The following RPA2 variants were observed in gnomAD, a reference collection of about 807,000 sequenced individuals.
RPA2 encodes replication protein A2.
RPA2 carries 22 observed loss-of-function variants against 33.4 expected under a neutral mutation model. That is an observed-to-expected ratio of 0.66 (90% CI 0.47 to 0.94). The LOEUF is 0.94. Among genes scored for constraint, RPA2 ranks in the 40% least tolerant of loss-of-function variants. The pLI is 0.00. For synonymous variants in RPA2, 109 were observed against 114.9 expected (o/e 0.95, Z 0.33); for missense variants, 279 against 329.9 (o/e 0.85, Z 1.19).
intron 2 of RPA2, among the ~76,000 whole-genome samples, chr1:27,909,609 G>C (rs1056411043): frequency 6.6e-6 from 1 of 152,102 alleles, no homozygotes; most frequent in Non-Finnish European, 1.5e-5. Context: ...AGCTACTGGG[G>C]AGGCTGAGGC....
At position 27,913,943 on chromosome 1, in the gene RPA2, T is replaced by C. The variant is rs138850007; in HGVS notation, c.117+120A>G. 403 of 973,924 alleles carry C rather than the reference T, an allele frequency of 4.1e-4. No homozygotes were observed. In the African/African-American group the frequency reaches 4.3e-3, roughly 10 times the overall value. The allele number at this position is 973,924 out of a possible 1,614,324, so 60.3% of individuals were successfully genotyped here. A position where few individuals can be genotyped will look rare whatever the true frequency, so the allele number is the denominator to read the frequency against. On this transcript the variant is annotated intron_variant, in intron 2 of 8. Coordinates refer to ENST00000373912, the MANE Select transcript of RPA2 (RefSeq NM_002946.5). ...TAATTATAAGAGATGCAGATAATAA[T>C]AGATCATTATCGCATCAGTTCACGT...
At chr1:27,910,284 T>C (rs1027225385) in intron 2 of RPA2, among the ~76,000 whole-genome samples, 1 of 152,194 alleles carries the variant, frequency 6.6e-6, no homozygotes, top group African/African-American at 2.4e-5. Context: ...ATATATGAAG[T>C]GCTAATACCA....
intron 5 of RPA2, 141 bp downstream of exon 5, chr1:27,897,492 T>A (rs1429356854): frequency 5.9e-6 from 3 of 511,468 alleles, no homozygotes; most frequent in Non-Finnish European, 1.0e-5. Flanking sequence ...AAAGAAAAGT[T>A]ATTTCCTTTT....
chr1:27,911,320 G>A (rs1384298473), intron 2 of RPA2, among the ~76,000 whole-genome samples: 1 of 152,026 alleles, frequency 6.6e-6, no homozygotes. Flanking sequence ...TAGCCCAAGA[G>A]TTTGAGACCA....
Position 27,892,137 on chromosome 1 carries a change from T to C in RPA2, c.*26A>G. The C allele has an allele frequency of 6.3e-7, 1 of 1,581,992 alleles. No individual in the cohort carries two copies. The highest frequency in any genetic ancestry group is 8.7e-7 in the Non-Finnish European group (1 of 1,152,238). On this transcript the variant is annotated 3_prime_UTR_variant, in exon 9 of 9. Transcript: ENST00000373912. ...TGTGAAACTAGGTCCAGCTGTAAAA[T>C]ATCTCAGGTACCCAGTTAGATCCAG...
intron 4 of RPA2, among the ~76,000 whole-genome samples, chr1:27,898,054 G>A (rs916795235): frequency 3.7e-4 from 56 of 152,022 alleles, no homozygotes; most frequent in African/African-American, 1.3e-3. Flanking sequence ...GCAGTGGCAC[G>A]ATCTTGGCTC....
intron 2 of RPA2, 150 bp downstream of exon 2, chr1:27,913,913 G>GC: frequency 1.3e-6 from 1 of 780,454 alleles, no homozygotes. Flanking sequence ...GAAACTTACA[G>GC]CACTTAATTA....
intron 4 of RPA2, among the ~76,000 whole-genome samples, chr1:27,906,590 T>C (rs2148659705): frequency 6.6e-6 from 1 of 152,286 alleles, no homozygotes; most frequent in South Asian, 2.1e-4. Context: ...CTTGGGAGGC[T>C]GAGGCACAGG....
At chr1:27,899,115 G>C (rs528959027) in intron 4 of RPA2, among the ~76,000 whole-genome samples, 98 of 152,146 alleles carry the variant, frequency 6.4e-4, no homozygotes, top group African/African-American at 2.3e-3. Context: ...ACTCATGCCT[G>C]TAATCCTAGC....
chr1:27,894,394 A>G lies in RPA2; in HGVS notation c.529T>C (p.Ser177Pro). The part of the protein sequence containing the change: ...MVLSKANSQP[S>P]AGRAPISNPG... The stretch of plus-strand genomic sequence containing the variant: ...TTGCTGATAGGTGCTCTCCCTGCTG[A>G]GGGCTGAATTAAGAAATAAGTTAGC... Residue 177 changes from serine to proline, a missense_variant, in exon 7 of 9, where the codon TCA (serine) becomes CCA (proline). Coordinates refer to ENST00000373912, the MANE Select transcript of RPA2 (RefSeq NM_002946.5). The G allele has an allele frequency of 1.9e-6, 3 of 1,611,422 alleles. No homozygotes were observed. The highest frequency in any genetic ancestry group is 2.2e-5 in the South Asian group (2 of 90,590).
chr1:27,912,450 C>T (rs2090109625), intron 2 of RPA2, among the ~76,000 whole-genome samples: 1 of 151,844 alleles, frequency 6.6e-6, no homozygotes, highest in Non-Finnish European at 1.5e-5. Flanking sequence ...GCTAGAGAGG[C>T]TGAGGTGGGA....
chr1:27,911,411 G>C (rs1357811455), intron 2 of RPA2, among the ~76,000 whole-genome samples: 1 of 152,054 alleles, frequency 6.6e-6, no homozygotes, highest in Non-Finnish European at 1.5e-5. Flanking sequence ...CAACTTACAA[G>C]CATTATTCTC....
chr1:27,895,887 C>T (rs1448600372), intron 6 of RPA2, among the ~76,000 whole-genome samples: 1 of 152,140 alleles, frequency 6.6e-6, no homozygotes, highest in African/African-American at 2.4e-5. Context: ...CACTTCACTC[C>T]AGACACTGGC....
At chr1:27,905,916 C>CGCCCGGCGTTAGGTCACCATTTTT (rs1361675205) in intron 4 of RPA2, among the ~76,000 whole-genome samples, 4 of 148,444 alleles carry the variant, frequency 2.7e-5, no homozygotes, top group African/African-American at 1.0e-4. Flanking sequence ...CGTGAGCCAC[C>CGCCCGGCGTTAGGTCACCATTTTT]ATGCCAAGCC....
intron 2 of RPA2, among the ~76,000 whole-genome samples, chr1:27,913,823 C>T (rs895886677): frequency 1.5e-4 from 23 of 152,074 alleles, no homozygotes; most frequent in African/African-American, 4.8e-4. Context: ...ATTAGCTACA[C>T]TGATCAATTT....
intron 2 of RPA2, among the ~76,000 whole-genome samples, chr1:27,908,557 G>A (rs534494645): frequency 1.3e-4 from 19 of 151,964 alleles, no homozygotes; most frequent in Admixed American, 9.2e-4. Context: ...GTGTGGTGGC[G>A]CGATCTCAGC....
chr1:27,908,622 G>A lies in RPA2; in HGVS notation c.118-1340C>T, dbSNP rs140008355. Among the ~76,000 whole-genome samples, 943 of 151,856 alleles carry A rather than the reference G, an allele frequency of 6.2e-3. 7 individuals carry two copies. The highest frequency in any genetic ancestry group is 0.021 in the Middle Eastern group (6 of 292). ...GCAATTCTCCTGTCTCAGCCCCCCC[G>A]AGTAGCTGGGATTATAGGTGCACGC... is the stretch of plus-strand genomic sequence containing the variant. On this transcript the variant is annotated intron_variant, in intron 2 of 8. Coordinates refer to ENST00000373912, the MANE Select transcript of RPA2 (RefSeq NM_002946.5).
intron 2 of RPA2, among the ~76,000 whole-genome samples, chr1:27,909,926 A>G (rs1043717239): frequency 6.6e-6 from 1 of 152,232 alleles, no homozygotes; most frequent in African/African-American, 2.4e-5. Context: ...AGCTTTTAAT[A>G]ACAACGTTGA....
chr1:27,914,299 G>A, intron 1 of RPA2, 130 bp from the exon 2 acceptor site: 1 of 1,577,420 alleles, frequency 6.3e-7, no homozygotes, highest in African/African-American at 1.5e-5. Context: ...CTTCCTGCGG[G>A]TGACCCCCAA....
Sources: gnomAD v4.1 joint callset for allele counts (sites outside exome capture counted in the v4.1 genomes callset) on GRCh38, gnomAD v4.1.1 for gene constraint, MANE v1.5 for transcripts, NCBI Gene and HGNC (gene_info 2026-07-23, HGNC 2026-07-21) for gene names.